Variants in CHCHD6 observed in about 807,000 individuals in gnomAD.
The protein encoded by CHCHD6 is MICOS complex subunit MIC25.
A neutral mutation model predicts 32.3 loss-of-function variants in CHCHD6; 28 were observed. That is an observed-to-expected ratio of 0.87 (90% CI 0.64 to 1.19). The LOEUF (loss-of-function observed/expected upper bound fraction) is 1.19, where lower values mean the gene tolerates loss of function less well. Ranked by LOEUF, CHCHD6 falls within the 50% of genes most tolerant of loss-of-function variation. The pLI, the probability that CHCHD6 is intolerant of heterozygous loss-of-function variation, is 0.00. For synonymous variants in CHCHD6, 122 were observed against 117.5 expected, an observed-to-expected ratio of 1.04 and a Z score of -0.25; for missense variants, 333 against 307.0, an observed-to-expected ratio of 1.08 and a Z score of -0.63.
intron 4 of CHCHD6, among the ~76,000 whole-genome samples, chr3:126,747,152 G>T (rs942494171): frequency 2.6e-5 from 4 of 152,076 alleles, no homozygotes; most frequent in Admixed American, 2.6e-4. Context: ...TCTTCATCTC[G>T]TCTCCTTTCT....
chr3:126,833,264 G>A (rs1480569580), intron 4 of CHCHD6, among the ~76,000 whole-genome samples: 2 of 152,090 alleles, frequency 1.3e-5, no homozygotes, highest in Non-Finnish European at 2.9e-5. Flanking sequence ...CCGAAGTTGG[G>A]GGTACATTTC....
intron 5 of CHCHD6, among the ~76,000 whole-genome samples, chr3:126,899,632 A>G (rs2077893478): frequency 1.3e-5 from 2 of 152,000 alleles, no homozygotes; most frequent in Non-Finnish European, 2.9e-5. Flanking sequence ...AAGTTTGGGG[A>G]CCTGGGAGAA....
intron 6 of CHCHD6, among the ~76,000 whole-genome samples, chr3:126,922,615 C>T (rs1483959559): frequency 8.0e-6 from 1 of 124,972 alleles, no homozygotes; most frequent in Non-Finnish European, 1.7e-5. Context: ...TGAATTTCAG[C>T]CCACCACGTG....
At chr3:126,842,039 A>G (rs1301143511) in intron 4 of CHCHD6, among the ~76,000 whole-genome samples, 1 of 152,252 alleles carries the variant, frequency 6.6e-6, no homozygotes, top group Non-Finnish European at 1.5e-5. Flanking sequence ...GCTTGAGCCC[A>G]GGAGTTCAAG....
At chr3:126,745,479 C>T (rs574426073) in intron 4 of CHCHD6, among the ~76,000 whole-genome samples, 9 of 152,296 alleles carry the variant, frequency 5.9e-5, no homozygotes, top group Non-Finnish European at 1.3e-4. Context: ...ACATTCTTGC[C>T]TTTCTGTTAT....
intron 5 of CHCHD6, among the ~76,000 whole-genome samples, chr3:126,854,077 C>G (rs1412165048): frequency 6.6e-6 from 1 of 152,152 alleles, no homozygotes; most frequent in Non-Finnish European, 1.5e-5. Flanking sequence ...ATTTTTGCCT[C>G]TCTAAAATCT....
At chr3:126,890,552 TA>T in intron 5 of CHCHD6, among the ~76,000 whole-genome samples, 1 of 151,980 alleles carries the variant, frequency 6.6e-6, no homozygotes, top group South Asian at 2.1e-4. Context: ...GGGATGAGAG[TA>T]GGGACTGGGC....
At chr3:126,826,623 CCT>C (rs1315648261) in intron 4 of CHCHD6, among the ~76,000 whole-genome samples, 1 of 151,886 alleles carries the variant, frequency 6.6e-6, no homozygotes, top group Non-Finnish European at 1.5e-5. Flanking sequence ...TCATTATTTC[CCT>C]GAGTTAGATG....
intron 5 of CHCHD6, among the ~76,000 whole-genome samples, chr3:126,863,387 T>C (rs1191197460): frequency 6.9e-4 from 33 of 47,774 alleles, no homozygotes; most frequent in Admixed American, 1.3e-3. Context: ...TCCTCTACCA[T>C]CACCACCTCC....
intron 3 of CHCHD6, among the ~76,000 whole-genome samples, chr3:126,731,370 A>G (rs1935797271): frequency 6.6e-6 from 1 of 152,186 alleles, no homozygotes; most frequent in Non-Finnish European, 1.5e-5. Context: ...CAAAGTGGTT[A>G]AGGCACAGAG....
chr3:126,704,425 C>A (rs768047544), intron 1 of CHCHD6, 26 bp downstream of exon 1: 13 of 1,466,538 alleles, frequency 8.9e-6, no homozygotes, highest in Non-Finnish European at 4.5e-6. Context: ...TGGGCCGGGG[C>A]GGGCGTGGAG....
chr3:126,773,455 A>G (rs529913463), intron 4 of CHCHD6, among the ~76,000 whole-genome samples: 1 of 152,304 alleles, frequency 6.6e-6, no homozygotes, highest in South Asian at 2.1e-4. Context: ...CATGACAGCG[A>G]TAGGGCAAAG....
At chr3:126,801,829 G>A (rs1939091179) in intron 4 of CHCHD6, among the ~76,000 whole-genome samples, 1 of 152,196 alleles carries the variant, frequency 6.6e-6, no homozygotes, top group African/African-American at 2.4e-5. Context: ...GGGGCAGACT[G>A]ACACCTCACA....
At chr3:126,716,976 G>C (rs1185593541) in intron 1 of CHCHD6, among the ~76,000 whole-genome samples, 1 of 152,092 alleles carries the variant, frequency 6.6e-6, no homozygotes, top group African/African-American at 2.4e-5. Context: ...TCCTTTCTAG[G>C]GGCCTGAGTG....
chr3:126,932,862 C>G (rs2078426203), intron 6 of CHCHD6, among the ~76,000 whole-genome samples: 1 of 151,656 alleles, frequency 6.6e-6, no homozygotes. Context: ...CGGGGCTTCT[C>G]TGGATGTTAT....
At chr3:126,759,587 A>G (rs1937087263) in intron 4 of CHCHD6, among the ~76,000 whole-genome samples, 1 of 152,076 alleles carries the variant, frequency 6.6e-6, no homozygotes, top group Non-Finnish European at 1.5e-5. Context: ...TCTCTATAAA[A>G]CCACTTGGAT....
chr3:126,723,247 A>G (rs1320166722), intron 1 of CHCHD6, among the ~76,000 whole-genome samples: 1 of 152,158 alleles, frequency 6.6e-6, no homozygotes, highest in Non-Finnish European at 1.5e-5. Context: ...TATTATTATT[A>G]TTACAATCTT....
rs143948652 is a variant in CHCHD6, at chr3:126,770,689, G to A, written c.411+37467G>A. Among the ~76,000 whole-genome samples, 1,460 of 152,316 alleles carry A rather than the reference G, an allele frequency of 9.6e-3. 21 individuals are homozygous for A. Among genetic ancestry groups the A allele is most frequent in the African/African-American group, 0.033 (1,391 of 41,562 alleles). ...CAGGGATAAAGCCTACTTGATCATG[G>A]TGGATTAGCTTTTCTGTGTGCTACT... On this transcript the variant is annotated intron_variant, in intron 4 of 7. Coordinates refer to ENST00000290913, the MANE Select transcript of CHCHD6 (RefSeq NM_032343.3).
chr3:126,778,925 A>T (rs962211268), intron 4 of CHCHD6, among the ~76,000 whole-genome samples: 8 of 150,124 alleles, frequency 5.3e-5, no homozygotes, highest in Admixed American at 4.0e-4. Flanking sequence ...TGGCTCATTA[A>T]ATTTTTTTTT....
Sources: allele counts gnomAD v4.1 joint callset (sites outside exome capture counted in the v4.1 genomes callset), GRCh38; gene constraint gnomAD v4.1.1; transcripts MANE v1.5; gene names NCBI Gene and HGNC (gene_info 2026-07-23, HGNC 2026-07-21).